The following AHCYL2 variants were observed in gnomAD, a reference collection of about 807,000 sequenced individuals.
The protein encoded by AHCYL2 is S-adenosylhomocysteine hydrolase-like protein 2.
A neutral mutation model predicts 81.4 loss-of-function variants in AHCYL2; 28 were observed. The observed-to-expected ratio is 0.34, with a 90% CI of 0.25 to 0.47. AHCYL2 has a LOEUF of 0.47. AHCYL2 is among the 20% of genes least tolerant of loss of function. The pLI, the probability that AHCYL2 is intolerant of heterozygous loss-of-function variation, is 1.00. For missense variants in AHCYL2, 551 were observed against 785.1 expected (o/e 0.70, Z 3.56); for synonymous variants, 272 against 290.2 (o/e 0.94, Z 0.64).
intron 1 of AHCYL2, among the ~76,000 whole-genome samples, chr7:129,342,807 G>A (rs1793231776): frequency 6.6e-6 from 1 of 152,096 alleles, no homozygotes; most frequent in South Asian, 2.1e-4. Flanking sequence ...AGTCATTGTT[G>A]ACATCATCTT....
At chr7:129,264,924 T>A (rs1021322919) in intron 1 of AHCYL2, among the ~76,000 whole-genome samples, 1 of 152,216 alleles carries the variant, frequency 6.6e-6, no homozygotes, top group Non-Finnish European at 1.5e-5. Flanking sequence ...ATGCCTTATA[T>A]TGTATATGAG....
intron 1 of AHCYL2, among the ~76,000 whole-genome samples, chr7:129,311,391 G>T (rs2103232): frequency 0.24 from 36,938 of 152,086 alleles, 4,564 homozygotes; most frequent in South Asian, 0.37. Flanking sequence ...ACCTATTCCT[G>T]TGGTTTTAAA....
At chr7:129,300,435 G>T (rs1276045258) in intron 1 of AHCYL2, among the ~76,000 whole-genome samples, 2 of 152,028 alleles carry the variant, frequency 1.3e-5, no homozygotes, top group Admixed American at 6.6e-5. Context: ...TTAACATAAG[G>T]ATATCTACTT....
At chr7:129,310,991 C>T (rs1320601101) in intron 1 of AHCYL2, among the ~76,000 whole-genome samples, 1 of 151,678 alleles carries the variant, frequency 6.6e-6, no homozygotes, top group Non-Finnish European at 1.5e-5. Context: ...ACCTGCAGTC[C>T]CAGCTACTCA....
chr7:129,358,401 C>CAA lies in AHCYL2; in HGVS notation c.364-21227_364-21226dup, dbSNP rs34071272. Among the ~76,000 whole-genome samples the CAA allele has an allele frequency of 7.3e-3, 1,009 of 138,490 alleles. 3 individuals carry two copies. The highest frequency in any genetic ancestry group is 0.012 in the Non-Finnish European group (752 of 63,132). 90.9% of individuals were successfully genotyped at this position (138,490 alleles called of 152,430 possible). ...AGCGAGACTCCGTCTCACACACACA[C>CAA]AAAAAAAAAAACAAAAAGGAATGAA... On this transcript the variant is annotated intron_variant, in intron 1 of 16. Transcript: ENST00000325006.
intron 12 of AHCYL2, among the ~76,000 whole-genome samples, chr7:129,414,883 G>A (rs991823221): frequency 2.6e-5 from 4 of 152,282 alleles, no homozygotes; most frequent in Middle Eastern, 3.4e-3. Context: ...CTCTGATTGA[G>A]CTTCAGCATT....
intron 1 of AHCYL2, among the ~76,000 whole-genome samples, chr7:129,303,960 G>A (rs1347011228): frequency 1.3e-5 from 2 of 152,028 alleles, no homozygotes; most frequent in East Asian, 3.8e-4. Context: ...GGTGGTGCAT[G>A]CCTGTAATCC....
intron 1 of AHCYL2, among the ~76,000 whole-genome samples, chr7:129,268,946 T>C (rs1795907411): frequency 1.3e-5 from 2 of 152,140 alleles, no homozygotes; most frequent in African/African-American, 4.8e-5. Context: ...ATTTTCATCA[T>C]CCCAGAAAGA....
chr7:129,411,416 T>C (rs1387577393), intron 11 of AHCYL2, among the ~76,000 whole-genome samples: 1 of 152,180 alleles, frequency 6.6e-6, no homozygotes, highest in Admixed American at 6.5e-5. Flanking sequence ...AATGGAATCA[T>C]AGCAACACCT....
intron 1 of AHCYL2, among the ~76,000 whole-genome samples, chr7:129,245,436 A>G (rs1021540604): frequency 6.6e-6 from 1 of 152,124 alleles, no homozygotes; most frequent in African/African-American, 2.4e-5. Context: ...TGCAACCATC[A>G]CTACTACTCA....
chr7:129,415,942 G>A (rs1347993636), intron 12 of AHCYL2, among the ~76,000 whole-genome samples: 1 of 152,180 alleles, frequency 6.6e-6, no homozygotes, highest in African/African-American at 2.4e-5. Flanking sequence ...CAGAGGCTGA[G>A]GCAGGAGAAT....
intron 1 of AHCYL2, among the ~76,000 whole-genome samples, chr7:129,311,872 G>T (rs972221353): frequency 1.3e-5 from 2 of 152,184 alleles, no homozygotes; most frequent in African/African-American, 4.8e-5. Flanking sequence ...GACTCTTGCA[G>T]TGGCTTCTCA....
intron 1 of AHCYL2, among the ~76,000 whole-genome samples, chr7:129,317,737 T>C (rs1232171909): frequency 6.6e-6 from 1 of 152,222 alleles, no homozygotes; most frequent in Non-Finnish European, 1.5e-5. Context: ...GAAGCAGATC[T>C]GAGCAACACA....
intron 4 of AHCYL2, among the ~76,000 whole-genome samples, chr7:129,396,561 AC>A (rs1795751875): frequency 6.6e-6 from 1 of 151,944 alleles, no homozygotes; most frequent in African/African-American, 2.4e-5. Flanking sequence ...AGCTGGGATT[AC>A]AGGCATGCGC....
At chr7:129,298,051 G>A (rs1248826438) in intron 1 of AHCYL2, among the ~76,000 whole-genome samples, 4 of 152,124 alleles carry the variant, frequency 2.6e-5, no homozygotes, top group Non-Finnish European at 5.9e-5. Context: ...ATTACCTGCT[G>A]AAATAGTCAT....
intron 1 of AHCYL2, among the ~76,000 whole-genome samples, chr7:129,338,898 C>G (rs1027521870): frequency 6.6e-6 from 1 of 152,110 alleles, no homozygotes; most frequent in Admixed American, 6.5e-5. Flanking sequence ...CACATATAGG[C>G]CCTGTCCACT....
chr7:129,279,231 G>T (rs1263063679), intron 1 of AHCYL2, among the ~76,000 whole-genome samples: 1 of 151,234 alleles, frequency 6.6e-6, no homozygotes, highest in Non-Finnish European at 1.5e-5. Context: ...ATTTCTCTCA[G>T]AAGTGTTTGG....
At chr7:129,400,482 A>G in intron 6 of AHCYL2, 98 bp downstream of exon 6, 1 of 1,123,008 alleles carries the variant, frequency 8.9e-7, no homozygotes, top group Non-Finnish European at 1.3e-6. Context: ...AGAAGGAAGG[A>G]AAATGGCTTC....
At chr7:129,281,020 T>C (rs1051924741) in intron 1 of AHCYL2, among the ~76,000 whole-genome samples, 39 of 151,942 alleles carry the variant, frequency 2.6e-4, no homozygotes, top group Non-Finnish European at 1.6e-4. Flanking sequence ...CCCGCCACCA[T>C]GCCTGGCTAA....
Sources: allele counts gnomAD v4.1 joint callset (sites outside exome capture counted in the v4.1 genomes callset), GRCh38; gene constraint gnomAD v4.1.1; transcripts MANE v1.5; gene names NCBI Gene and HGNC (gene_info 2026-07-23, HGNC 2026-07-21).